The following GPC3 variants were observed in gnomAD, a reference collection of about 807,000 sequenced individuals.
GPC3 encodes glypican-3.
A neutral mutation model predicts 34.4 loss-of-function variants in GPC3; 3 were observed. The ratio of observed to expected loss-of-function variants is 0.09; its 90% confidence interval spans 0.04 to 0.23. The LOEUF (loss-of-function observed/expected upper bound fraction) is 0.23. Ranked by LOEUF, GPC3 falls within the 10% of genes least tolerant of loss-of-function variation. The probability of loss-of-function intolerance (pLI) is 1.00; values close to 1 mark genes in which losing one functional copy is unlikely to be tolerated. For missense variants in GPC3, 351 were observed against 445.6 expected (o/e 0.79, Z 1.91); for synonymous variants, 177 against 174.0 (o/e 1.02, Z -0.13).
intron 6 of GPC3, among the ~76,000 whole-genome samples, chrX:133,602,104 C>T (rs2069987945): frequency 1.8e-5 from 2 of 110,875 alleles, no homozygotes; most frequent in Admixed American, 1.9e-4. Flanking sequence ...TAATGAAATC[C>T]TGTTATTTGA....
chrX:133,610,571 C>G (rs946245313), intron 6 of GPC3, among the ~76,000 whole-genome samples: 6 of 107,203 alleles, frequency 5.6e-5, no homozygotes, highest in Non-Finnish European at 1.2e-4. Context: ...ACATTTAACC[C>G]CCTTTTGATA....
intron 1 of GPC3, among the ~76,000 whole-genome samples, chrX:133,978,674 C>T (rs2076526275): frequency 1.8e-5 from 2 of 111,917 alleles, no homozygotes; most frequent in South Asian, 7.4e-4. Context: ...TAAATATTGA[C>T]TTTATGGAAA....
chrX:133,876,662 T>G (rs1338876782), intron 2 of GPC3, among the ~76,000 whole-genome samples: 6 of 112,166 alleles, frequency 5.3e-5, no homozygotes, highest in African/African-American at 1.9e-4. Context: ...ATTCTAAGAA[T>G]TAAGTAAGTG....
At chrX:133,671,467 AT>A in intron 5 of GPC3, 1 of 442,325 alleles carries the variant, frequency 2.3e-6, no homozygotes, top group Non-Finnish European at 3.9e-6. Context: ...TGTGAAAAAA[AT>A]GTCTTTCATA....
At chrX:133,785,275 C>A (rs1264271368) in intron 2 of GPC3, among the ~76,000 whole-genome samples, 1 of 111,115 alleles carries the variant, frequency 9.0e-6, no homozygotes, top group Non-Finnish European at 1.9e-5. Context: ...CCAGTTCCAG[C>A]CTGTTTGTGA....
chrX:133,641,627 G>A (rs1449735180), intron 6 of GPC3, among the ~76,000 whole-genome samples: 2 of 111,534 alleles, frequency 1.8e-5, no homozygotes, highest in African/African-American at 6.5e-5. Context: ...AAACACAGAG[G>A]AAGGTCTGGC....
chrX:133,901,166 A>C (rs2076142158), intron 2 of GPC3, among the ~76,000 whole-genome samples: 1 of 112,260 alleles, frequency 8.9e-6, no homozygotes, highest in Non-Finnish European at 1.9e-5. Context: ...ATGAAATGTT[A>C]ACATTTGATT....
At chrX:133,717,286 A>G (rs1205770353) in intron 3 of GPC3, among the ~76,000 whole-genome samples, 1 of 111,083 alleles carries the variant, frequency 9.0e-6, no homozygotes, top group African/African-American at 3.3e-5. Context: ...TTCAGAAAGT[A>G]TAAACACAAG....
At chrX:133,540,845 T>C (rs962617189) in intron 7 of GPC3, among the ~76,000 whole-genome samples, 3 of 110,064 alleles carry the variant, frequency 2.7e-5, no homozygotes, top group African/African-American at 9.9e-5. Context: ...TCAGAGAATG[T>C]CTATGAGGCA....
At chrX:133,638,844 A>G (rs1022668443) in intron 6 of GPC3, among the ~76,000 whole-genome samples, 1 of 111,001 alleles carries the variant, frequency 9.0e-6, no homozygotes, top group Admixed American at 9.6e-5. Flanking sequence ...AAAGAAAAAA[A>G]TCGCAAAGAA....
chrX:133,938,207 A>G (rs1290756599), intron 2 of GPC3, among the ~76,000 whole-genome samples: 1 of 112,104 alleles, frequency 8.9e-6, no homozygotes, highest in Non-Finnish European at 1.9e-5. Context: ...TAAGTTTTAT[A>G]TGCATCATAT....
At chrX:133,924,911 G>C (rs1433180262) in intron 2 of GPC3, among the ~76,000 whole-genome samples, 1 of 105,324 alleles carries the variant, frequency 9.5e-6, no homozygotes, top group Non-Finnish European at 2.0e-5. Flanking sequence ...AGGTGGGTAA[G>C]GTGAGTGAAA....
At chrX:133,847,762 G>A (rs1393954910) in intron 2 of GPC3, among the ~76,000 whole-genome samples, 1 of 111,964 alleles carries the variant, frequency 8.9e-6, no homozygotes, top group Non-Finnish European at 1.9e-5. Context: ...TTGTTGGGTG[G>A]GAGTCAGAAT....
At chrX:133,900,151 C>T (rs1199283165) in intron 2 of GPC3, among the ~76,000 whole-genome samples, 1 of 112,385 alleles carries the variant, frequency 8.9e-6, no homozygotes, top group African/African-American at 3.2e-5. Context: ...AGAAGGAGAA[C>T]ACAACACAGG....
chrX:133,584,955 C>A (rs754200708), intron 7 of GPC3, among the ~76,000 whole-genome samples: 1,604 of 93,466 alleles, frequency 0.017, 20 homozygotes, highest in African/African-American at 0.034. Flanking sequence ...AACAAAAAAA[C>A]AAAAAACAGA....
chrX:133,906,202 G>GA (rs937502718), intron 2 of GPC3, among the ~76,000 whole-genome samples: 3 of 110,812 alleles, frequency 2.7e-5, no homozygotes, highest in African/African-American at 9.8e-5. Context: ...TGGTAAAGAA[G>GA]AAAAAAAATG....
intron 5 of GPC3, among the ~76,000 whole-genome samples, chrX:133,665,541 G>T (rs1295837085): frequency 8.9e-6 from 1 of 112,375 alleles, no homozygotes; most frequent in Non-Finnish European, 1.9e-5. Context: ...CATCCTCTGA[G>T]AAGGAAAATA....
intron 2 of GPC3, among the ~76,000 whole-genome samples, chrX:133,834,505 C>G (rs998153486): frequency 4.5e-5 from 5 of 111,448 alleles, no homozygotes; most frequent in African/African-American, 1.6e-4. Context: ...GTTACCTGAC[C>G]AAGATTTCCA....
chrX:133,698,902 G>A (rs754591462), intron 4 of GPC3, among the ~76,000 whole-genome samples: 7 of 111,785 alleles, frequency 6.3e-5, no homozygotes, highest in Admixed American at 1.9e-4. Flanking sequence ...CTGTTGTTTC[G>A]TTTTCTTCTT....
Sources: gnomAD v4.1 joint callset for allele counts (sites outside exome capture counted in the v4.1 genomes callset) on GRCh38, gnomAD v4.1.1 for gene constraint, MANE v1.5 for transcripts, NCBI Gene and HGNC (gene_info 2026-07-23, HGNC 2026-07-21) for gene names.